ROBO1: variants seen among roughly 807,000 people sequenced by gnomAD.
ROBO1 encodes roundabout guidance receptor 1.
Under a neutral mutation model 195.9 loss-of-function variants are expected in ROBO1, and 149 were observed. The observed-to-expected ratio is 0.76, with a 90% CI of 0.67 to 0.87. The LOEUF (loss-of-function observed/expected upper bound fraction) is 0.87. Among genes scored for constraint, ROBO1 ranks in the 40% least tolerant of loss-of-function variants. The pLI is 0.00. For synonymous variants in ROBO1, 816 were observed against 733.2 expected (o/e 1.11, Z -1.82); for missense variants, 1,933 against 2,068.3 (o/e 0.93, Z 1.27).
At chr3:78,931,172 T>C (rs1223112164) in intron 4 of ROBO1, among the ~76,000 whole-genome samples, 1 of 152,034 alleles carries the variant, frequency 6.6e-6, no homozygotes, top group Non-Finnish European at 1.5e-5. Flanking sequence ...AACTATATTT[T>C]GGTATTCTTC....
intron 1 of ROBO1, among the ~76,000 whole-genome samples, chr3:79,657,732 A>G (rs576557649): frequency 2.6e-5 from 4 of 152,248 alleles, no homozygotes; most frequent in African/African-American, 7.2e-5. Flanking sequence ...CAATTTTTAT[A>G]TATAACTTAT....
At chr3:79,707,287 G>C (rs1947801644) in intron 1 of ROBO1, among the ~76,000 whole-genome samples, 1 of 152,156 alleles carries the variant, frequency 6.6e-6, no homozygotes, top group Non-Finnish European at 1.5e-5. Context: ...TGGGCCTAGA[G>C]TTATTCATAG....
At chr3:78,666,455 A>G (rs1707742640) in intron 14 of ROBO1, among the ~76,000 whole-genome samples, 1 of 152,160 alleles carries the variant, frequency 6.6e-6, no homozygotes, top group African/African-American at 2.4e-5. Flanking sequence ...TAGTCATCAA[A>G]ACCTTTCAGT....
chr3:79,049,426 T>C (rs1244910299), intron 3 of ROBO1, among the ~76,000 whole-genome samples: 1 of 152,174 alleles, frequency 6.6e-6, no homozygotes, highest in Admixed American at 6.5e-5. Flanking sequence ...ATTTGATTGG[T>C]GTGCCTGAAA....
intron 2 of ROBO1, among the ~76,000 whole-genome samples, chr3:79,329,844 T>C (rs894367492): frequency 2.0e-5 from 3 of 152,158 alleles, no homozygotes; most frequent in Non-Finnish European, 4.4e-5. Context: ...GTGGAGGTAG[T>C]ACAATTAATT....
At chr3:79,199,943 A>C (rs2081731125) in intron 2 of ROBO1, among the ~76,000 whole-genome samples, 1 of 151,796 alleles carries the variant, frequency 6.6e-6, no homozygotes, top group African/African-American at 2.4e-5. Flanking sequence ...ATTTAAATTA[A>C]ATTCGAATGG....
At chr3:79,671,106 A>G (rs1038242874) in intron 1 of ROBO1, among the ~76,000 whole-genome samples, 1 of 151,892 alleles carries the variant, frequency 6.6e-6, no homozygotes, top group Non-Finnish European at 1.5e-5. Flanking sequence ...ACATATTGAC[A>G]GGTATAAAAA....
intron 2 of ROBO1, among the ~76,000 whole-genome samples, chr3:79,518,110 C>CT (rs1941031821): frequency 6.6e-6 from 1 of 152,130 alleles, no homozygotes; most frequent in African/African-American, 2.4e-5. Context: ...TGATTAGGAG[C>CT]TGACTAGATT....
At chr3:79,460,146 T>C (rs1157235816) in intron 2 of ROBO1, among the ~76,000 whole-genome samples, 2 of 152,172 alleles carry the variant, frequency 1.3e-5, no homozygotes, top group Admixed American at 6.5e-5. Flanking sequence ...TGGCCAATTA[T>C]CTTTCACTTA....
chr3:78,766,766 GC>G (rs1372596602), intron 4 of ROBO1, among the ~76,000 whole-genome samples: 19 of 152,124 alleles, frequency 1.2e-4, no homozygotes, highest in Non-Finnish European at 2.9e-5. Context: ...GTCATAGATG[GC>G]TTTTATTACA....
intron 1 of ROBO1, among the ~76,000 whole-genome samples, chr3:79,754,335 G>A (rs889245699): frequency 2.0e-5 from 3 of 152,162 alleles, no homozygotes; most frequent in African/African-American, 7.2e-5. Flanking sequence ...GCTGTAACCT[G>A]AGGGTGGAAA....
chr3:78,982,693 A>G (rs920241681), intron 3 of ROBO1, among the ~76,000 whole-genome samples: 3 of 151,722 alleles, frequency 2.0e-5, no homozygotes, highest in African/African-American at 7.3e-5. Context: ...TAGTGGCGTG[A>G]TCTCGGCTCA....
chr3:79,225,469 A>T (rs2082211115), intron 2 of ROBO1, among the ~76,000 whole-genome samples: 1 of 152,170 alleles, frequency 6.6e-6, no homozygotes, highest in South Asian at 2.1e-4. Context: ...GTGTGTTTAG[A>T]ACCAGTATTC....
chr3:79,729,514 G>T (rs903556438), intron 1 of ROBO1, among the ~76,000 whole-genome samples: 5 of 152,082 alleles, frequency 3.3e-5, no homozygotes, highest in African/African-American at 1.2e-4. Context: ...GTTTATTATT[G>T]ACTGTTTCCA....
chr3:79,094,057 C>T (rs775043512), intron 3 of ROBO1, among the ~76,000 whole-genome samples: 15 of 151,960 alleles, frequency 9.9e-5, no homozygotes, highest in Non-Finnish European at 1.9e-4. Context: ...TTCCCTTTGC[C>T]ATAATGAAAG....
chr3:78,972,080 A>G (rs2107920163), intron 3 of ROBO1, among the ~76,000 whole-genome samples: 1 of 152,324 alleles, frequency 6.6e-6, no homozygotes, highest in African/African-American at 2.4e-5. Flanking sequence ...ATCTTTTAAA[A>G]TATCTCAAAA....
intron 2 of ROBO1, among the ~76,000 whole-genome samples, chr3:79,357,818 G>A (rs1372535137): frequency 6.6e-6 from 1 of 152,096 alleles, no homozygotes; most frequent in Non-Finnish European, 1.5e-5. Flanking sequence ...GGAGCCAGAG[G>A]TATTTCCGTA....
intron 2 of ROBO1, among the ~76,000 whole-genome samples, chr3:79,453,306 T>C (rs2039508186): frequency 1.3e-5 from 2 of 152,096 alleles, no homozygotes; most frequent in South Asian, 4.1e-4. Context: ...TTGGTCACCA[T>C]GATTAACTGA....
At chr3:79,746,725 C>T (rs554405548) in intron 1 of ROBO1, among the ~76,000 whole-genome samples, 44 of 151,952 alleles carry the variant, frequency 2.9e-4, no homozygotes, top group Non-Finnish European at 5.6e-4. Flanking sequence ...TTTTATGTCA[C>T]AAATAAATCA....
Sources: allele counts gnomAD v4.1 joint callset (sites outside exome capture counted in the v4.1 genomes callset), GRCh38; gene constraint gnomAD v4.1.1; transcripts MANE v1.5; gene names NCBI Gene and HGNC (gene_info 2026-07-23, HGNC 2026-07-21).